The following TMEM135 variants were observed in gnomAD, a reference collection of about 807,000 sequenced individuals.
TMEM135 encodes the protein peroxisomal membrane protein 52.
In TMEM135, 30 loss-of-function variants were observed where a neutral mutation model predicts 60.3. The ratio of observed to expected loss-of-function variants is 0.50; its 90% CI spans 0.37 to 0.68. The LOEUF (loss-of-function observed/expected upper bound fraction) is 0.68, where lower values mean the gene tolerates loss of function less well. TMEM135 is among the 30% of genes least tolerant of loss of function. TMEM135 has a pLI of 0.00. For synonymous variants in TMEM135, 190 were observed against 186.7 expected (o/e 1.02, Z -0.14); for missense variants, 468 against 548.8 (o/e 0.85, Z 1.47).
Position 87,170,599 on chromosome 11 carries a change from A to T in TMEM135, c.462+13193A>T, listed in dbSNP as rs489247. ...GAAGTCTACTCCAGACCCTGTTTGC[A>T]TGGGTATTCACCAGCTGAGGCTGCA... On this transcript the variant is annotated intron_variant, in intron 5 of 14. Coordinates refer to ENST00000305494, the MANE Select transcript of TMEM135 (RefSeq NM_022918.4). Among the ~76,000 whole-genome samples the T allele has an allele frequency of 4.6e-5, 7 of 152,080 alleles. No individual in the cohort carries two copies. In the East Asian group the frequency reaches 1.4e-3, roughly 30 times the overall value.
In TMEM135 at chr11:87,328,074, A is replaced by G. The variant is rs1479426145; in HGVS notation, c.*6741A>G. 3 of 453,964 alleles carry G rather than the reference A, an allele frequency of 6.6e-6. No homozygotes were observed. The highest frequency in any genetic ancestry group is 2.4e-5 in the Admixed American group (1 of 42,546). 28.1% of individuals were successfully genotyped at this position (453,964 alleles called of 1,614,324 possible). ...CTCTAGATATTCCTTAATCCAGTCA[A>G]GTTGATGCCTAAAATTAACCATCAC... On this transcript the variant is annotated 3_prime_UTR_variant, in exon 15 of 15. Transcript: ENST00000305494.
intron 5 of TMEM135, among the ~76,000 whole-genome samples, chr11:87,187,684 C>G (rs1264211562): frequency 6.6e-6 from 1 of 152,190 alleles, no homozygotes; most frequent in East Asian, 1.9e-4. Flanking sequence ...AGTACTTTGA[C>G]TATTGATAAT....
At chr11:87,223,667 G>GCACACACACACACA (rs113588295) in intron 5 of TMEM135, among the ~76,000 whole-genome samples, 1 of 118,376 alleles carries the variant, frequency 8.4e-6, no homozygotes, top group East Asian at 2.2e-4. Flanking sequence ...GCACATGCAC[G>GCACACACACACACA]CACACACACA....
chr11:87,218,426 C>T (rs1192543115), intron 5 of TMEM135, among the ~76,000 whole-genome samples: 1 of 152,164 alleles, frequency 6.6e-6, no homozygotes, highest in Non-Finnish European at 1.5e-5. Context: ...TGTACCACCC[C>T]TCTAGACCTA....
intron 4 of TMEM135, among the ~76,000 whole-genome samples, chr11:87,127,419 G>A (rs994913118): frequency 6.6e-6 from 1 of 152,138 alleles, no homozygotes; most frequent in Non-Finnish European, 1.5e-5. Flanking sequence ...TGGCACTGGC[G>A]TTTTAGTATC....
chr11:87,247,633 C>T (rs767882520), intron 6 of TMEM135, among the ~76,000 whole-genome samples: 1 of 152,230 alleles, frequency 6.6e-6, no homozygotes, highest in Non-Finnish European at 1.5e-5. Flanking sequence ...GTCAGTCAGA[C>T]TCCGTGGGCG....
At chr11:87,057,825 G>GTGTA in intron 1 of TMEM135, among the ~76,000 whole-genome samples, 1 of 152,022 alleles carries the variant, frequency 6.6e-6, no homozygotes, top group Non-Finnish European at 1.5e-5. Context: ...GTTTGTGTGT[G>GTGTA]TGTATAAAAT....
intron 4 of TMEM135, among the ~76,000 whole-genome samples, chr11:87,155,877 C>T (rs1270807568): frequency 6.6e-6 from 1 of 152,184 alleles, no homozygotes. Context: ...ATTCTAACAT[C>T]AGAGACCCTA....
intron 5 of TMEM135, among the ~76,000 whole-genome samples, chr11:87,171,727 T>G (rs1032376051): frequency 6.6e-6 from 1 of 152,186 alleles, no homozygotes; most frequent in Non-Finnish European, 1.5e-5. Flanking sequence ...TCTGCCTAGG[T>G]AGTGGTGTCC....
intron 6 of TMEM135, among the ~76,000 whole-genome samples, chr11:87,236,971 A>G (rs950004732): frequency 2.6e-5 from 4 of 151,898 alleles, no homozygotes; most frequent in African/African-American, 9.7e-5. Context: ...TGATAAGTGA[A>G]TTTTTATCTT....
intron 1 of TMEM135, among the ~76,000 whole-genome samples, chr11:87,054,299 G>T (rs943246687): frequency 6.6e-6 from 1 of 152,116 alleles, no homozygotes; most frequent in African/African-American, 2.4e-5. Context: ...GCTGGGCATG[G>T]TGGCGTGTGC....
At chr11:87,241,852 A>T (rs1436058104) in intron 6 of TMEM135, among the ~76,000 whole-genome samples, 1 of 150,986 alleles carries the variant, frequency 6.6e-6, no homozygotes. Flanking sequence ...TTTTTTTTAA[A>T]AAAAAATTTA....
At chr11:87,276,665 A>ATTTT (rs11340916) in intron 6 of TMEM135, among the ~76,000 whole-genome samples, 32,264 of 114,882 alleles carry the variant, frequency 0.28, 5,031 homozygotes, top group Non-Finnish European at 0.38. Flanking sequence ...GTGTTTGTGA[A>ATTTT]TTTTTTTTTT....
intron 10 of TMEM135, among the ~76,000 whole-genome samples, chr11:87,310,883 T>C (rs897453272): frequency 1.3e-5 from 2 of 152,034 alleles, no homozygotes; most frequent in African/African-American, 4.8e-5. Context: ...TTGTGTCTCA[T>C]TTTGTAGGAA....
At chr11:87,277,785 GTGT>G (rs1464692970) in intron 6 of TMEM135, among the ~76,000 whole-genome samples, 1 of 152,034 alleles carries the variant, frequency 6.6e-6, no homozygotes, top group Non-Finnish European at 1.5e-5. Flanking sequence ...GCCTGCCAAA[GTGT>G]TGTGATTACA....
At chr11:87,140,434 G>C (rs1024722988) in intron 4 of TMEM135, among the ~76,000 whole-genome samples, 2 of 152,128 alleles carry the variant, frequency 1.3e-5, no homozygotes, top group Non-Finnish European at 2.9e-5. Context: ...AAGAGCAAAA[G>C]GTTTTTAATT....
At chr11:87,040,106 T>C (rs1038125125) in intron 1 of TMEM135, among the ~76,000 whole-genome samples, 51 of 152,362 alleles carry the variant, frequency 3.3e-4, no homozygotes, top group Admixed American at 3.1e-3. Flanking sequence ...TCGGTAGTTG[T>C]GAAATAAAAT....
chr11:87,228,439 G>A (rs1439804405), intron 5 of TMEM135, among the ~76,000 whole-genome samples: 6 of 152,178 alleles, frequency 3.9e-5, no homozygotes, highest in African/African-American at 1.2e-4. Flanking sequence ...GTAGAAACAT[G>A]TCTAAAATAT....
At chr11:87,156,482 A>G (rs987221706) in intron 4 of TMEM135, among the ~76,000 whole-genome samples, 2 of 152,100 alleles carry the variant, frequency 1.3e-5, no homozygotes, top group Non-Finnish European at 1.5e-5. Context: ...AGTATTCCAA[A>G]CCATGAGCAC....
Sources: allele counts gnomAD v4.1 joint callset (sites outside exome capture counted in the v4.1 genomes callset), GRCh38; gene constraint gnomAD v4.1.1; transcripts MANE v1.5; gene names NCBI Gene and HGNC (gene_info 2026-07-23, HGNC 2026-07-21).